The following DNM3 variants were observed in gnomAD, a reference collection of about 807,000 sequenced individuals.
The protein encoded by DNM3 is dynamin-3.
DNM3 carries 47 observed loss-of-function variants against 101.6 expected under a neutral mutation model. The observed-to-expected ratio is 0.46, with a 90% CI of 0.37 to 0.59. The LOEUF (loss-of-function observed/expected upper bound fraction) is 0.59, where lower values mean the gene tolerates loss of function less well. DNM3 is among the 20% of genes least tolerant of loss of function. The pLI is 0.00. For missense variants in DNM3, 849 were observed against 1,085.7 expected, an observed-to-expected ratio of 0.78 and a Z score of 3.06; for synonymous variants, 385 against 387.9, an observed-to-expected ratio of 0.99 and a Z score of 0.09.
chr1:172,242,518 C>A (rs750450591), intron 14 of DNM3, among the ~76,000 whole-genome samples: 17 of 152,144 alleles, frequency 1.1e-4, no homozygotes, highest in Non-Finnish European at 2.1e-4. Flanking sequence ...TCTCAGCTCA[C>A]TGCAACCTCT....
chr1:171,987,549 G>A, intron 2 of DNM3, 107 bp from the exon 3 acceptor site: 1 of 1,176,014 alleles, frequency 8.5e-7, no homozygotes. Flanking sequence ...GTTCATGAAG[G>A]AAGAAGAGAG....
chr1:172,346,529 A>G (rs1463506646), intron 17 of DNM3, among the ~76,000 whole-genome samples: 1 of 152,204 alleles, frequency 6.6e-6, no homozygotes, highest in Admixed American at 6.5e-5. Flanking sequence ...GAGTAAGTAT[A>G]TTAGGATGTA....
chr1:172,196,885 T>C (rs1488681086), intron 14 of DNM3, among the ~76,000 whole-genome samples: 1 of 152,162 alleles, frequency 6.6e-6, no homozygotes, highest in Non-Finnish European at 1.5e-5. Context: ...ATATTTTCTT[T>C]TGCTATGCAG....
Position 171,950,102 on chromosome 1 carries a change from G to A in DNM3, c.235+28281G>A, listed in dbSNP as rs145456682. ...AAAAGGAATTATGTGCTCAATGGCT[G>A]GGGGAACATTCATACAATGGAATAC... On this transcript the variant is annotated intron_variant, in intron 2 of 20. Transcript: ENST00000627582. Among the ~76,000 whole-genome samples, 102 of 151,738 alleles carry A rather than the reference G, an allele frequency of 6.7e-4. 1 individual carries two copies. The highest frequency in any genetic ancestry group is 2.3e-3 in the African/African-American group (95 of 41,142).
At chr1:172,234,886 C>T (rs1227926621) in intron 14 of DNM3, among the ~76,000 whole-genome samples, 1 of 152,194 alleles carries the variant, frequency 6.6e-6, no homozygotes, top group Non-Finnish European at 1.5e-5. Context: ...AGACCTAAAA[C>T]CATAAAAACC....
At chr1:172,227,588 A>G (rs970147198) in intron 14 of DNM3, among the ~76,000 whole-genome samples, 2 of 152,064 alleles carry the variant, frequency 1.3e-5, no homozygotes, top group African/African-American at 4.8e-5. Flanking sequence ...CCATGCCAAC[A>G]TCAATTGTCT....
intron 14 of DNM3, among the ~76,000 whole-genome samples, chr1:172,167,644 T>C (rs1035824067): frequency 6.6e-5 from 10 of 152,210 alleles, no homozygotes; most frequent in Non-Finnish European, 1.2e-4. Flanking sequence ...TCATTGTGGT[T>C]TTGATTAAAG....
intron 1 of DNM3, among the ~76,000 whole-genome samples, chr1:171,913,954 A>G (rs2039506920): frequency 6.6e-6 from 1 of 151,410 alleles, no homozygotes; most frequent in Non-Finnish European, 1.5e-5. Flanking sequence ...ATGCCCAGCT[A>G]ATTTTTACAT....
In DNM3 at chr1:172,411,146, T is replaced by C. The variant is rs2071181321; in HGVS notation, c.*3305T>C. On this transcript the variant is annotated 3_prime_UTR_variant, in exon 21 of 21. Coordinates refer to ENST00000627582, the MANE Select transcript of DNM3 (RefSeq NM_015569.5). ...TATCTATGTATACATGTACTTAGTA[T>C]GTGTGGTATCAGGATATTTTTTAAA... 2.0e-6 allele frequency: 2 copies of C among 984,926 alleles called. No individual in the cohort carries two copies. The highest frequency in any genetic ancestry group is 3.5e-5 in the African/African-American group (2 of 57,340). 61.0% of individuals were successfully genotyped at this position (984,926 alleles called of 1,614,324 possible).
intron 8 of DNM3, among the ~76,000 whole-genome samples, chr1:172,042,481 A>G (rs1465340820): frequency 6.6e-6 from 1 of 152,194 alleles, no homozygotes; most frequent in African/African-American, 2.4e-5. Flanking sequence ...TCTAGTGGGG[A>G]AAGACAGAAA....
intron 2 of DNM3, among the ~76,000 whole-genome samples, chr1:171,982,662 T>TTGTG (rs3051606): frequency 0.055 from 8,183 of 148,800 alleles, 358 homozygotes; most frequent in African/African-American, 0.11. Context: ...ATGTGTGTGT[T>TTGTG]TGTGTGTGTG....
intron 13 of DNM3, among the ~76,000 whole-genome samples, chr1:172,130,882 C>A (rs1341535258): frequency 6.6e-6 from 1 of 152,084 alleles, no homozygotes; most frequent in Non-Finnish European, 1.5e-5. Context: ...CATAAGTAGG[C>A]CTGACACAGT....
intron 2 of DNM3, among the ~76,000 whole-genome samples, chr1:171,982,940 A>T (rs2044920379): frequency 6.6e-6 from 1 of 151,944 alleles, no homozygotes; most frequent in Admixed American, 6.6e-5. Context: ...GTTCCTATGG[A>T]TGCCCTGGCA....
intron 13 of DNM3, among the ~76,000 whole-genome samples, chr1:172,110,571 A>G (rs1185386769): frequency 6.6e-6 from 1 of 152,236 alleles, no homozygotes; most frequent in Non-Finnish European, 1.5e-5. Flanking sequence ...ATAATGACTC[A>G]AACTGTGACA....
At chr1:171,998,020 C>T (rs1013837059) in intron 4 of DNM3, among the ~76,000 whole-genome samples, 2 of 152,044 alleles carry the variant, frequency 1.3e-5, no homozygotes, top group Admixed American at 6.6e-5. Context: ...TGGCATCACC[C>T]CAGTTTTCTA....
chr1:171,878,712 A>G (rs1462323874), intron 1 of DNM3, among the ~76,000 whole-genome samples: 2 of 152,212 alleles, frequency 1.3e-5, no homozygotes, highest in Non-Finnish European at 2.9e-5. Context: ...ACATACCATT[A>G]GTACCCTTAA....
intron 1 of DNM3, among the ~76,000 whole-genome samples, chr1:171,920,563 T>A (rs2040078070): frequency 6.6e-6 from 1 of 152,192 alleles, no homozygotes; most frequent in South Asian, 2.1e-4. Flanking sequence ...TGAGAAAAAC[T>A]GCCACTGAGT....
chr1:172,317,680 C>G (rs2065457621), intron 16 of DNM3, among the ~76,000 whole-genome samples: 2 of 152,184 alleles, frequency 1.3e-5, no homozygotes, highest in Admixed American at 1.3e-4. Context: ...TCTCCCAAGA[C>G]TAAACCAGGA....
chr1:172,153,777 G>T (rs1383581614), intron 14 of DNM3, among the ~76,000 whole-genome samples: 1 of 152,020 alleles, frequency 6.6e-6, no homozygotes, highest in Admixed American at 6.6e-5. Context: ...AAAACAAATA[G>T]CTCCCAAACT....
Sources: allele counts gnomAD v4.1 joint callset (sites outside exome capture counted in the v4.1 genomes callset), GRCh38; gene constraint gnomAD v4.1.1; transcripts MANE v1.5; gene names NCBI Gene and HGNC (gene_info 2026-07-23, HGNC 2026-07-21).